ADCY2: variants seen among roughly 807,000 people sequenced by gnomAD.
ADCY2 encodes the protein adenylate cyclase 2, also known as adenylate cyclase type 2.
A neutral mutation model predicts 125.2 loss-of-function variants in ADCY2; 31 were observed. That is an observed-to-expected ratio of 0.25 (90% confidence interval 0.19 to 0.33). The LOEUF is 0.33. Ranked by LOEUF, ADCY2 falls within the 10% of genes least tolerant of loss-of-function variation. The probability of loss-of-function intolerance (pLI) is 1.00; values close to 1 mark genes in which losing one functional copy is unlikely to be tolerated. For missense variants in ADCY2, 904 were observed against 1,418.2 expected (o/e 0.64, Z 5.82); for synonymous variants, 512 against 548.4 (o/e 0.93, Z 0.93).
rs3033085 is a variant in ADCY2 at position 7,459,772 on chromosome 5, A to ATTTTTTTTTTTTTTT, written c.408+45021_408+45035dup. Among the ~76,000 whole-genome samples, 19 of 72,862 alleles carry ATTTTTTTTTTTTTTT rather than the reference A, an allele frequency of 2.6e-4. 2 individuals carry two copies. Among genetic ancestry groups the ATTTTTTTTTTTTTTT allele is most frequent in the African/African-American group, 1.1e-3 (18 of 16,348 alleles). The allele number at this position is 72,862 out of a possible 152,430, so 47.8% of individuals were successfully genotyped here. On this transcript the variant is annotated intron_variant, in intron 2 of 24. Transcript: ENST00000338316. ...GAACTATCTAGCAGTTTAAGAGGTA[A>ATTTTTTTTTTTTTTT]TTTTTTTTTTTTTTTTTTTTTTTTT... is the stretch of plus-strand genomic sequence containing the variant.
At chr5:7,796,334 G>A (rs1050957175) in intron 20 of ADCY2, 3 of 152,188 alleles carry the variant, frequency 2.0e-5, no homozygotes, top group African/African-American at 4.8e-5. Flanking sequence ...CCAGGGCAGG[G>A]CGTCTTTGGA....
Position 7,473,345 on chromosome 5 carries a change from C to T in ADCY2, c.409-47393C>T, listed in dbSNP as rs1015940324. ...GGAAAGCCAGCATGTGCAGACATCA[C>T]ATGGTGAGAGAGAAGCAAGAGAGAG... is the stretch of plus-strand genomic sequence containing the variant. On this transcript the variant is annotated intron_variant, in intron 2 of 24. Coordinates refer to ENST00000338316, the MANE Select transcript of ADCY2 (RefSeq NM_020546.3). Among the ~76,000 whole-genome samples the T allele has an allele frequency of 4.8e-4, 73 of 152,200 alleles. 1 individual carries two copies. The highest frequency in any genetic ancestry group is 1.8e-3 in the African/African-American group (73 of 41,542).
intron 15 of ADCY2, among the ~76,000 whole-genome samples, chr5:7,747,225 C>A (rs1262114839): frequency 6.6e-6 from 1 of 152,214 alleles, no homozygotes; most frequent in South Asian, 2.1e-4. Flanking sequence ...AGCCACCGGG[C>A]ACCTTCCAAG....
At chr5:7,652,127 C>T (rs1336152472) in intron 4 of ADCY2, among the ~76,000 whole-genome samples, 1 of 152,144 alleles carries the variant, frequency 6.6e-6, no homozygotes, top group Non-Finnish European at 1.5e-5. Context: ...ATCACTTTAA[C>T]CCTACTGAGA....
At chr5:7,788,588 A>G (rs1438182851) in intron 19 of ADCY2, among the ~76,000 whole-genome samples, 1 of 152,258 alleles carries the variant, frequency 6.6e-6, no homozygotes, top group African/African-American at 2.4e-5. Flanking sequence ...CTAATGTATG[A>G]CAGATAATTT....
intron 10 of ADCY2, among the ~76,000 whole-genome samples, chr5:7,712,412 C>T (rs1415081648): frequency 1.3e-5 from 2 of 152,252 alleles, no homozygotes; most frequent in East Asian, 1.9e-4. Context: ...TCTTAACGCC[C>T]CAGTTCAGTG....
intron 2 of ADCY2, among the ~76,000 whole-genome samples, chr5:7,422,062 G>T (rs552248298): frequency 5.3e-5 from 8 of 152,136 alleles, no homozygotes; most frequent in African/African-American, 1.9e-4. Context: ...GTTTCTTGTT[G>T]GTTCTTACAT....
chr5:7,450,661 T>A (rs71602155), intron 2 of ADCY2, among the ~76,000 whole-genome samples: 13,347 of 152,280 alleles, frequency 0.088, 1,000 homozygotes, highest in African/African-American at 0.21. Flanking sequence ...TATAAGAAGA[T>A]GTCCTCTAGG....
intron 1 of ADCY2, among the ~76,000 whole-genome samples, chr5:7,409,319 C>T (rs1739624052): frequency 6.6e-6 from 1 of 152,130 alleles, no homozygotes; most frequent in South Asian, 2.1e-4. Flanking sequence ...ATAATCTGTA[C>T]AACAAACCCC....
intron 3 of ADCY2, among the ~76,000 whole-genome samples, chr5:7,536,133 C>T (rs1401483866): frequency 6.6e-6 from 1 of 152,218 alleles, no homozygotes; most frequent in Non-Finnish European, 1.5e-5. Flanking sequence ...AGGTTGAAGA[C>T]TGTGTTTCCT....
chr5:7,822,575 G>A (rs974430900), intron 24 of ADCY2, among the ~76,000 whole-genome samples: 2 of 152,228 alleles, frequency 1.3e-5, no homozygotes, highest in African/African-American at 4.8e-5. Context: ...CTAGAAATTA[G>A]TGAAATTCAA....
chr5:7,449,608 C>G (rs1168057481), intron 2 of ADCY2, among the ~76,000 whole-genome samples: 1 of 152,178 alleles, frequency 6.6e-6, no homozygotes, highest in African/African-American at 2.4e-5. Flanking sequence ...TACATAATGA[C>G]TCACTATAGG....
At chr5:7,753,012 C>T (rs891530998) in intron 15 of ADCY2, among the ~76,000 whole-genome samples, 2 of 149,784 alleles carry the variant, frequency 1.3e-5, no homozygotes, top group Non-Finnish European at 2.9e-5. Flanking sequence ...AGTTTTCCTG[C>T]TTCAGCCTCC....
chr5:7,504,315 A>G (rs898225637), intron 2 of ADCY2, among the ~76,000 whole-genome samples: 2 of 152,216 alleles, frequency 1.3e-5, no homozygotes, highest in South Asian at 2.1e-4. Context: ...CAAATATCAA[A>G]TGTTACAGAA....
intron 4 of ADCY2, among the ~76,000 whole-genome samples, chr5:7,652,852 G>A (rs1295986427): frequency 6.6e-6 from 1 of 152,150 alleles, no homozygotes; most frequent in African/African-American, 2.4e-5. Context: ...CCCTGACCAA[G>A]ACACACTGAC....
At chr5:7,565,658 G>A (rs903611588) in intron 3 of ADCY2, among the ~76,000 whole-genome samples, 1 of 152,176 alleles carries the variant, frequency 6.6e-6, no homozygotes, top group Non-Finnish European at 1.5e-5. Flanking sequence ...AGTCCAGGGG[G>A]CATGTGTCTA....
At chr5:7,427,895 C>G (rs768339574) in intron 2 of ADCY2, among the ~76,000 whole-genome samples, 9 of 152,218 alleles carry the variant, frequency 5.9e-5, no homozygotes, top group Non-Finnish European at 1.3e-4. Context: ...TAGACCTAGT[C>G]TGTATGCAGA....
intron 2 of ADCY2, among the ~76,000 whole-genome samples, chr5:7,496,638 A>G (rs960429719): frequency 6.6e-6 from 1 of 152,146 alleles, no homozygotes; most frequent in African/African-American, 2.4e-5. Context: ...TTATTTTACA[A>G]TAGTTGACAG....
At chr5:7,532,349 C>T (rs189543266) in intron 3 of ADCY2, among the ~76,000 whole-genome samples, 1 of 152,330 alleles carries the variant, frequency 6.6e-6, no homozygotes, top group East Asian at 1.9e-4. Flanking sequence ...TGAGTTCTCT[C>T]ATTGTTTGTA....
Sources: gnomAD v4.1 joint callset for allele counts (sites outside exome capture counted in the v4.1 genomes callset) on GRCh38, gnomAD v4.1.1 for gene constraint, MANE v1.5 for transcripts, NCBI Gene and HGNC (gene_info 2026-07-23, HGNC 2026-07-21) for gene names.